The following PRH1 variants were observed in gnomAD, a reference collection of about 807,000 sequenced individuals.
The protein encoded by PRH1 is salivary acidic proline-rich phosphoprotein 1/2.
In PRH1, 7 loss-of-function variants were observed where a neutral mutation model predicts 7.9. The ratio of observed to expected loss-of-function variants is 0.89; its 90% confidence interval spans 0.50 to 1.67. The LOEUF is 1.67. Ranked by LOEUF, PRH1 falls within the 40% of genes most tolerant of loss-of-function variation. PRH1 has a pLI of 0.00. For synonymous variants in PRH1, 45 were observed against 80.8 expected, an observed-to-expected ratio of 0.56 and a Z score of 2.38; for missense variants, 109 against 223.6, an observed-to-expected ratio of 0.49 and a Z score of 3.27.
intron 1 of PRH1, among the ~76,000 whole-genome samples, chr12:11,072,335 T>C (rs886293572): frequency 8.5e-5 from 13 of 152,062 alleles, no homozygotes; most frequent in African/African-American, 2.9e-4. Flanking sequence ...TTTTGACTCA[T>C]GTACATCCCA....
chr12:10,996,198 G>A (rs148468810), intron 1 of PRH1, among the ~76,000 whole-genome samples: 34 of 151,604 alleles, frequency 2.2e-4, no homozygotes, highest in African/African-American at 6.5e-4. Context: ...GTGTGGTAGC[G>A]CATGCCTGGA....
chr12:10,974,562 T>C (rs899278733), intron 1 of PRH1, among the ~76,000 whole-genome samples: 1 of 151,554 alleles, frequency 6.6e-6, no homozygotes, highest in Non-Finnish European at 1.5e-5. Context: ...TAAACAAAGC[T>C]AGTAAATGAA....
chr12:11,048,161 T>TACAG (rs543109079), upstream of PRH1, among the ~76,000 whole-genome samples: 5 of 139,092 alleles, frequency 3.6e-5, no homozygotes, highest in African/African-American at 1.0e-4. Flanking sequence ...TGTGTGTGTG[T>TACAG]ATAGATAGAT....
At chr12:10,930,304 G>C in intron 2 of PRH1, 1 of 1,611,756 alleles carries the variant, frequency 6.2e-7, no homozygotes, top group Non-Finnish European at 8.5e-7. Flanking sequence ...GGTAATATCA[G>C]GTAAATCCCA....
At chr12:11,009,912 C>T (rs1190906385) in intron 1 of PRH1, among the ~76,000 whole-genome samples, 1 of 151,906 alleles carries the variant, frequency 6.6e-6, no homozygotes, top group Admixed American at 6.6e-5. Flanking sequence ...TGACTTTGAA[C>T]TCCATCATTA....
intron 2 of PRH1, among the ~76,000 whole-genome samples, chr12:10,959,564 A>G (rs1211110647): frequency 6.6e-6 from 1 of 152,322 alleles, no homozygotes; most frequent in Admixed American, 6.5e-5. Context: ...AGATACTAAC[A>G]GATACTGAGA....
At chr12:11,140,124 G>C (rs1050223143) in intron 1 of PRH1, among the ~76,000 whole-genome samples, 8 of 150,690 alleles carry the variant, frequency 5.3e-5, no homozygotes, top group African/African-American at 2.0e-4. Flanking sequence ...TTTTCTTCAA[G>C]TTTCAAATAC....
intron 2 of PRH1, among the ~76,000 whole-genome samples, chr12:10,905,522 C>T (rs1025785237): frequency 1.2e-4 from 18 of 152,074 alleles, no homozygotes; most frequent in Admixed American, 3.9e-4. Flanking sequence ...AAAAATTAGC[C>T]GGGCGTCCTG....
intron 1 of PRH1, among the ~76,000 whole-genome samples, chr12:11,141,963 T>C (rs554068584): frequency 6.6e-6 from 1 of 152,118 alleles, no homozygotes; most frequent in Non-Finnish European, 1.5e-5. Flanking sequence ...AATTTTTTTT[T>C]ATTTTTTTAT....
chr12:11,168,236 G>T (rs868710159), intron 1 of PRH1, among the ~76,000 whole-genome samples: 1 of 6,458 alleles, frequency 1.5e-4, no homozygotes, highest in African/African-American at 3.1e-4. Flanking sequence ...AAGAAAGAAA[G>T]AAAGAAAGAA....
At position 10,884,188 on chromosome 12, in the gene PRH1, C is replaced by T; in HGVS notation, c.30G>A (p.Leu10=). The change falls in exon 1 of 4, where the codon CTG becomes CTA. Residue 10 remains leucine, a synonymous_variant. Coordinates refer to ENST00000543626, the MANE Select transcript of PRH1 (RefSeq NM_001393989.1). ...AATCCTGAGCTGAGCTGAAGGCCAG[C>T]AGGGCCACTGACAGCAGAATCAGAA... MLLILLSVA[L]LAFSSAQDLN... 1.9e-6 allele frequency: 3 copies of T among 1,614,206 alleles called. No individual in the cohort carries two copies. The highest frequency in any genetic ancestry group is 2.2e-5 in the East Asian group (1 of 44,880).
rs1565447388 is a variant in PRH1 at position 10,882,327 on chromosome 12, C to T, written c.472G>A (p.Gly158Ser). 1 of 1,608,622 alleles carries T rather than the reference C, an allele frequency of 6.2e-7. No individual in the cohort carries two copies. Residue 158 changes from glycine (G) to serine (S), a missense_variant, in exon 3 of 4, where the codon GGT becomes AGT. By Grantham distance (56) the Gly-to-Ser change is moderately conservative (BLOSUM62 0). Transcript: ENST00000543626. ...GPPQQGGHQQ[G>S]PPPPPPGKPQ... ...TTTCCAGGAGGAGGTGGGGGAGGAC[C>T]TTGCTGATGGCCTCCCTGTTGGGGT...
intron 1 of PRH1, among the ~76,000 whole-genome samples, chr12:11,083,350 A>AAT (rs1555160728): frequency 9.1e-6 from 1 of 110,392 alleles, no homozygotes; most frequent in African/African-American, 3.9e-5. Flanking sequence ...CCTTTTTTAA[A>AAT]TTAAAGAAAA....
At chr12:10,900,256 A>G (rs1460502798) in intron 2 of PRH1, among the ~76,000 whole-genome samples, 1 of 152,200 alleles carries the variant, frequency 6.6e-6, no homozygotes, top group African/African-American at 2.4e-5. Flanking sequence ...CAGAGGGAAG[A>G]GTACCTTGTT....
chr12:10,941,909 G>A (rs946542722), intron 2 of PRH1, among the ~76,000 whole-genome samples: 7 of 152,100 alleles, frequency 4.6e-5, no homozygotes, highest in African/African-American at 1.4e-4. Context: ...TGTTCCAGAG[G>A]GTGTTTCTTT....
In PRH1 at chr12:11,086,259, CTT is replaced by C. The variant is rs1329286635; in HGVS notation, n.124-39073_124-39072del. ...CTTAGGCCTTTGACTAAGTTTTTCTCTTGAGTCTAATACTTAAATCTTAGTTA... is the reference window on the plus strand; with the variant it reads ...CTTAGGCCTTTGACTAAGTTTTTCTCGAGTCTAATACTTAAATCTTAGTTA... On this transcript the variant is annotated intron_variant and non_coding_transcript_variant, in intron 1 of 4. Coordinates refer to the PRH1 transcript ENST00000541977. Among the ~76,000 whole-genome samples the C allele has an allele frequency of 4.1e-5, 6 of 146,256 alleles. 1 individual carries two copies. The highest frequency in any genetic ancestry group is 4.2e-4 in the South Asian group (2 of 4,708).
chr12:11,023,255 C>T (rs1270740548), intron 1 of PRH1, among the ~76,000 whole-genome samples: 2 of 152,152 alleles, frequency 1.3e-5, no homozygotes, highest in Non-Finnish European at 1.5e-5. Context: ...GCACTCACAC[C>T]CTTAGGGCAT....
chr12:11,140,484 G>T (rs1203094883), intron 1 of PRH1, among the ~76,000 whole-genome samples: 2 of 152,136 alleles, frequency 1.3e-5, no homozygotes, highest in Non-Finnish European at 2.9e-5. Context: ...ATTCCTGAAT[G>T]TGCAGTAATG....
intron 1 of PRH1, among the ~76,000 whole-genome samples, chr12:11,013,839 C>T (rs1941167394): frequency 6.6e-6 from 1 of 152,080 alleles, no homozygotes; most frequent in East Asian, 1.9e-4. Context: ...AATCTGTTTC[C>T]CACCTTGGCC....
Sources: allele counts gnomAD v4.1 joint callset (sites outside exome capture counted in the v4.1 genomes callset), GRCh38; gene constraint gnomAD v4.1.1; transcripts MANE v1.5; gene names NCBI Gene and HGNC (gene_info 2026-07-23, HGNC 2026-07-21).